KAZN: variants seen among roughly 807,000 people sequenced by gnomAD.
KAZN encodes kazrin, periplakin interacting protein.
KAZN carries 40 observed loss-of-function variants against 87.4 expected under a neutral mutation model. The ratio of observed to expected loss-of-function variants is 0.46; its 90% CI spans 0.36 to 0.60. The LOEUF (loss-of-function observed/expected upper bound fraction) is 0.60, where lower values mean the gene tolerates loss of function less well. Among genes scored for constraint, KAZN ranks in the 20% least tolerant of loss-of-function variants. The probability of loss-of-function intolerance (pLI) is 0.00; values close to 1 mark genes in which losing one functional copy is unlikely to be tolerated. For missense variants in KAZN, 898 were observed against 1,073.9 expected, an observed-to-expected ratio of 0.84 and a Z score of 2.29; for synonymous variants, 466 against 458.3, an observed-to-expected ratio of 1.02 and a Z score of -0.22.
At chr1:13,968,003 G>T (rs1012423043) in intron 1 of KAZN, among the ~76,000 whole-genome samples, 2 of 152,186 alleles carry the variant, frequency 1.3e-5, no homozygotes, top group Non-Finnish European at 2.9e-5. Flanking sequence ...CCTCTCCCTT[G>T]GTCTCTAGGG....
chr1:14,262,913 G>C (rs1651192289), intron 2 of KAZN, among the ~76,000 whole-genome samples: 1 of 152,126 alleles, frequency 6.6e-6, no homozygotes, highest in Non-Finnish European at 1.5e-5. Context: ...GAAATTTACT[G>C]CCTTCTCCAC....
intron 2 of KAZN, among the ~76,000 whole-genome samples, chr1:14,187,822 ACT>A (rs1305574415): frequency 2.6e-5 from 4 of 151,908 alleles, no homozygotes; most frequent in African/African-American, 9.7e-5. Flanking sequence ...TATTTATGGA[ACT>A]CTTTTGATTT....
rs768849534 is a variant in KAZN at position 15,110,067 on chromosome 1, CTGTGTGTGTA to C, written c.2049-2352_2049-2343del. ...TATATATATATGTGCGTGTGTGTGC[CTGTGTGTGTA>C]TGTGTGTATATGTATGTGTGTATGT... On this transcript the variant is annotated intron_variant, in intron 13 of 14. Transcript: ENST00000376030. Among the ~76,000 whole-genome samples the C allele has an allele frequency of 1.5e-3, 225 of 150,734 alleles. 1 individual carries two copies. The highest frequency in any genetic ancestry group is 2.6e-3 in the Non-Finnish European group (178 of 67,526).
At chr1:15,060,323 G>C (rs369923457) in intron 6 of KAZN, 21 bp downstream of exon 6, 53 of 1,613,816 alleles carry the variant, frequency 3.3e-5, no homozygotes, top group Non-Finnish European at 4.4e-5. Flanking sequence ...CAGCAGCGGG[G>C]CCTGGGCCCC....
At chr1:14,097,744 T>C (rs980972709) in intron 1 of KAZN, among the ~76,000 whole-genome samples, 25 of 152,238 alleles carry the variant, frequency 1.6e-4, no homozygotes, top group African/African-American at 4.3e-4. Flanking sequence ...GTTAGCTCAA[T>C]CTGGCTCTCA....
At chr1:14,767,708 C>T (rs989591725) in intron 1 of KAZN, among the ~76,000 whole-genome samples, 2 of 152,216 alleles carry the variant, frequency 1.3e-5, no homozygotes, top group Non-Finnish European at 2.9e-5. Context: ...GTCCTATCCA[C>T]AGACCTTTCT....
intron 2 of KAZN, among the ~76,000 whole-genome samples, chr1:14,570,858 A>G (rs991954853): frequency 4.6e-5 from 7 of 152,190 alleles, no homozygotes; most frequent in Non-Finnish European, 7.3e-5. Flanking sequence ...AATACGGGAA[A>G]GTTCTAGTTT....
intron 1 of KAZN, among the ~76,000 whole-genome samples, chr1:14,027,533 G>T (rs1641132416): frequency 6.6e-6 from 1 of 152,084 alleles, no homozygotes; most frequent in African/African-American, 2.4e-5. Flanking sequence ...AGCCAAATTA[G>T]GAGCACATCA....
At chr1:14,768,938 G>A (rs1490013998) in intron 1 of KAZN, among the ~76,000 whole-genome samples, 2 of 152,160 alleles carry the variant, frequency 1.3e-5, no homozygotes, top group Non-Finnish European at 2.9e-5. Context: ...ATTTTAAAAA[G>A]TACCATCACA....
At chr1:13,982,325 A>C (rs1363285478) in intron 1 of KAZN, among the ~76,000 whole-genome samples, 2 of 152,186 alleles carry the variant, frequency 1.3e-5, no homozygotes, top group Non-Finnish European at 2.9e-5. Flanking sequence ...ACAGTTCTTA[A>C]GGGAGCGCGT....
In KAZN at chr1:14,669,515, G is replaced by A. The variant is rs1212705020; in HGVS notation, c.226+70292G>A. ...TCCCAGCACTTTGTGAAGCTGAGCG[G>A]GGAGGATTGTTTGAGGCCAGGAGTT... On this transcript the variant is annotated intron_variant, in intron 1 of 14. Transcript: ENST00000376030. Among the ~76,000 whole-genome samples, 5 of 152,292 alleles carry A rather than the reference G, an allele frequency of 3.3e-5. No individual in the cohort carries two copies. In the East Asian group the frequency reaches 9.7e-4, roughly 29 times the overall value.
At chr1:14,590,907 G>A (rs1306813658) in intron 2 of KAZN, among the ~76,000 whole-genome samples, 2 of 152,156 alleles carry the variant, frequency 1.3e-5, no homozygotes, top group East Asian at 3.9e-4. Flanking sequence ...GGCAGGGCTG[G>A]ACTTAAACCC....
At chr1:15,037,574 T>C (rs921877377) in intron 3 of KAZN, among the ~76,000 whole-genome samples, 2 of 152,182 alleles carry the variant, frequency 1.3e-5, no homozygotes, top group African/African-American at 4.8e-5. Flanking sequence ...TAGGGGCATA[T>C]GCCTGCTACC....
chr1:14,860,974 C>A (rs1396022773), intron 1 of KAZN, among the ~76,000 whole-genome samples: 3 of 152,206 alleles, frequency 2.0e-5, no homozygotes, highest in Admixed American at 6.5e-5. Flanking sequence ...GTTCTCTTGT[C>A]TCTTGTCCCT....
At chr1:14,770,793 T>C (rs1644998604) in intron 1 of KAZN, among the ~76,000 whole-genome samples, 1 of 152,168 alleles carries the variant, frequency 6.6e-6, no homozygotes, top group South Asian at 2.1e-4. Context: ...AGGCCTCTGA[T>C]GTTAAGAGAG....
intron 2 of KAZN, among the ~76,000 whole-genome samples, chr1:14,573,315 G>T (rs914710427): frequency 3.3e-5 from 5 of 152,132 alleles, no homozygotes; most frequent in Non-Finnish European, 5.9e-5. Flanking sequence ...TCTACTTGTG[G>T]CTTTCCCATA....
At chr1:14,367,822 C>T (rs1660138397) in intron 2 of KAZN, among the ~76,000 whole-genome samples, 1 of 152,192 alleles carries the variant, frequency 6.6e-6, no homozygotes, top group Non-Finnish European at 1.5e-5. Context: ...CATGCACACT[C>T]ACCTGTGCTT....
chr1:13,930,965 A>G (rs540919959), intron 1 of KAZN, among the ~76,000 whole-genome samples: 1 of 152,240 alleles, frequency 6.6e-6, no homozygotes, highest in Admixed American at 6.5e-5. Context: ...TCCTGGCTCT[A>G]TACCTCCAGT....
chr1:15,080,803 GC>G (rs912087272), intron 8 of KAZN, among the ~76,000 whole-genome samples: 36 of 152,202 alleles, frequency 2.4e-4, no homozygotes, highest in African/African-American at 8.0e-4. Flanking sequence ...GAGAACAGAG[GC>G]CCCGGGGTAG....
Sources: allele counts gnomAD v4.1 joint callset (sites outside exome capture counted in the v4.1 genomes callset), GRCh38; gene constraint gnomAD v4.1.1; transcripts MANE v1.5; gene names NCBI Gene and HGNC (gene_info 2026-07-23, HGNC 2026-07-21).